The following CRYBG1 variants were observed in gnomAD, a reference collection of about 807,000 sequenced individuals.
CRYBG1 encodes the protein crystallin beta-gamma domain containing 1.
Under a neutral mutation model 189.2 loss-of-function variants are expected in CRYBG1, and 139 were observed. The observed-to-expected ratio is 0.73, with a 90% CI of 0.64 to 0.85. The LOEUF is 0.85. Among genes scored for constraint, CRYBG1 ranks in the 40% least tolerant of loss-of-function variants. The probability of loss-of-function intolerance (pLI) is 0.00; values close to 1 mark genes in which losing one functional copy is unlikely to be tolerated. For missense variants in CRYBG1, 2,611 were observed against 2,675.8 expected, an observed-to-expected ratio of 0.98 and a Z score of 0.53; for synonymous variants, 1,023 against 1,017.1, an observed-to-expected ratio of 1.01 and a Z score of -0.11.
At chr6:106,447,999 C>A (rs1771700032) in intron 1 of CRYBG1, among the ~76,000 whole-genome samples, 1 of 152,200 alleles carries the variant, frequency 6.6e-6, no homozygotes, top group Non-Finnish European at 1.5e-5. Context: ...AGGAGACAAA[C>A]TTGTCCAGTA....
chr6:106,519,324 G>A lies in CRYBG1; in HGVS notation c.2116G>A (p.Ala706Thr), dbSNP rs1773524858. ...CATTCGAGGCCAAAGGAATACTCCT[G>A]CCTCTAGTAAAACGTTTGTTGGGAG... ...TDIRGQRNTP[A>T]SSKTFVGRAK... Residue 706 changes from alanine to threonine, a missense_variant, in exon 4 of 22, where the codon GCC becomes ACC. Around this residue, in one of 3 missense-constraint regions of CRYBG1, gnomAD observed 1,622 missense variants for 1,735.0 expected, o/e 0.93. Coordinates refer to ENST00000633556, the MANE Select transcript of CRYBG1 (RefSeq NM_001371242.2). The A allele has an allele frequency of 7.4e-6, 12 of 1,614,038 alleles. No individual in the cohort carries two copies. Among genetic ancestry groups the A allele is most frequent in the Non-Finnish European group, 1.0e-5 (12 of 1,180,030 alleles).
At chr6:106,478,158 T>G (rs536009910) in intron 2 of CRYBG1, among the ~76,000 whole-genome samples, 70 of 152,360 alleles carry the variant, frequency 4.6e-4, no homozygotes, top group African/African-American at 1.6e-3. Context: ...ATCCCTCGTA[T>G]CCTTCAACCC....
chr6:106,454,617 T>C (rs1771848104), intron 2 of CRYBG1, among the ~76,000 whole-genome samples: 1 of 152,230 alleles, frequency 6.6e-6, no homozygotes, highest in African/African-American at 2.4e-5. Context: ...CAGAATAAAT[T>C]ATATCTATTT....
rs1217861290 is a variant in CRYBG1 at position 106,552,164 on chromosome 6, C to T, written c.5440-20C>T. On this transcript the variant is annotated intron_variant, in intron 14 of 21. Coordinates refer to ENST00000633556, the MANE Select transcript of CRYBG1 (RefSeq NM_001371242.2). ...TTTGTTCTATTCATTTCCTTTTCTCCTTCCTTTAAAAATTTTTAGGATTCT... is the reference window on the plus strand; with the variant it reads ...TTTGTTCTATTCATTTCCTTTTCTCTTTCCTTTAAAAATTTTTAGGATTCT... 1 of 1,580,324 alleles carries T rather than the reference C, an allele frequency of 6.3e-7. No individual in the cohort carries two copies. The highest frequency in any genetic ancestry group is 8.6e-7 in the Non-Finnish European group (1 of 1,160,028).
intron 2 of CRYBG1, among the ~76,000 whole-genome samples, chr6:106,487,660 T>C (rs1772622469): frequency 6.6e-6 from 1 of 152,178 alleles, no homozygotes; most frequent in African/African-American, 2.4e-5. Context: ...TCTGTTTGGT[T>C]CTTTTTTATG....
Position 106,442,091 on chromosome 6 carries a change from T to A in CRYBG1, c.174-9603T>A, listed in dbSNP as rs576132178. 2.6e-5 allele frequency among the ~76,000 whole-genome samples: 4 copies of A among 152,292 alleles called. No homozygotes were observed. The South Asian group carries it at 8.3e-4, about 32-fold the overall frequency. On this transcript the variant is annotated intron_variant, in intron 1 of 21. Transcript: ENST00000633556. ...AGCCTTGAAACCTCTGAATTATAGC[T>A]GTGAGAAAGTTGAGAGTATATGATC...
chr6:106,378,183 C>G (rs1262379405), intron 1 of CRYBG1, among the ~76,000 whole-genome samples: 3 of 152,216 alleles, frequency 2.0e-5, no homozygotes, highest in Non-Finnish European at 4.4e-5. Context: ...TCTTTTCCCT[C>G]TTCCTGTGGT....
chr6:106,385,822 G>T (rs761354292), intron 1 of CRYBG1, among the ~76,000 whole-genome samples: 1 of 152,086 alleles, frequency 6.6e-6, no homozygotes, highest in Admixed American at 6.6e-5. Context: ...CATGACAAAC[G>T]TTCTTAGCAG....
In CRYBG1 at chr6:106,386,712, C is replaced by T. The variant is rs76136521; in HGVS notation, c.173+25631C>T. Among the ~76,000 whole-genome samples, 923 of 152,270 alleles carry T rather than the reference C, an allele frequency of 6.1e-3. 9 individuals carry two copies. The highest frequency in any genetic ancestry group is 0.021 in the African/African-American group (879 of 41,554). On this transcript the variant is annotated intron_variant, in intron 1 of 21. Transcript: ENST00000633556. ...CACTCCTATGAGAATCGAATGCCAC[C>T]GCTAGACATACCATCAAGAGGCAGA...
chr6:106,504,452 A>C (rs1262791730), intron 2 of CRYBG1, among the ~76,000 whole-genome samples: 1 of 152,202 alleles, frequency 6.6e-6, no homozygotes, highest in Non-Finnish European at 1.5e-5. Flanking sequence ...TTGTAGCACA[A>C]ATGTAGTAAC....
At chr6:106,362,711 T>C (rs1771903427) in intron 1 of CRYBG1, among the ~76,000 whole-genome samples, 1 of 152,212 alleles carries the variant, frequency 6.6e-6, no homozygotes, top group Non-Finnish European at 1.5e-5. Context: ...TCAGTTGTAG[T>C]AGAAATATAT....
intron 2 of CRYBG1, among the ~76,000 whole-genome samples, chr6:106,453,543 G>C (rs1035558898): frequency 6.6e-6 from 1 of 152,172 alleles, no homozygotes; most frequent in African/African-American, 2.4e-5. Context: ...CCAGTCATTG[G>C]CCCTAGCCAG....
Position 106,544,779 on chromosome 6 carries a change from T to C in CRYBG1, c.5167-9T>C. On this transcript the variant is annotated splice_polypyrimidine_tract_variant and intron_variant, in intron 12 of 21. Transcript: ENST00000633556. Reference sequence around the variant, plus strand: ...TAGCCTTTGAATTTTGAATTTTTTTTCTCAATAGGATTTTTCAAATGCTCA... The same window carrying C: ...TAGCCTTTGAATTTTGAATTTTTTTCCTCAATAGGATTTTTCAAATGCTCA... 6.2e-7 allele frequency: 1 copy of C among 1,601,512 alleles called. No homozygotes were observed. The highest frequency in any genetic ancestry group is 2.2e-5 in the East Asian group (1 of 44,806).
chr6:106,454,553 G>C (rs1010190764), intron 2 of CRYBG1, among the ~76,000 whole-genome samples: 1 of 152,326 alleles, frequency 6.6e-6, no homozygotes, highest in South Asian at 2.1e-4. Context: ...GCAAGATTCA[G>C]CAGGTTTGCG....
intron 2 of CRYBG1, among the ~76,000 whole-genome samples, chr6:106,480,831 G>A (rs1342889454): frequency 5.3e-5 from 8 of 150,674 alleles, no homozygotes; most frequent in East Asian, 3.9e-4. Flanking sequence ...ACTTAGCCAG[G>A]AAGGGTGGTG....
chr6:106,451,105 G>A, intron 1 of CRYBG1, among the ~76,000 whole-genome samples: 1 of 152,160 alleles, frequency 6.6e-6, no homozygotes, highest in East Asian at 1.9e-4. Context: ...TGGGGGAGGT[G>A]GGAGAACAGT....
At chr6:106,379,787 G>A (rs1237782562) in intron 1 of CRYBG1, among the ~76,000 whole-genome samples, 1 of 151,868 alleles carries the variant, frequency 6.6e-6, no homozygotes, top group Non-Finnish European at 1.5e-5. Context: ...AGGATTGCTT[G>A]AGGCCTAGTC....
intron 1 of CRYBG1, among the ~76,000 whole-genome samples, chr6:106,386,290 T>C (rs1770388267): frequency 6.6e-6 from 1 of 152,222 alleles, no homozygotes; most frequent in Non-Finnish European, 1.5e-5. Flanking sequence ...CATTTGTTTT[T>C]TACTAATTTT....
chr6:106,519,704 C>A lies in CRYBG1; in HGVS notation c.2496C>A (p.Thr832=), dbSNP rs763296255. Residue 832 remains threonine, a synonymous_variant, in exon 4 of 22, where the codon ACC becomes ACA. Transcript: ENST00000633556. ...DSKSLVLENV[T]DTAQDIPTTV... is the part of the protein sequence containing the mutation. ...AAAGCCTTGTACTTGAAAATGTAAC[C>A]GATACAGCACAAGACATCCCCACCA... 6.2e-7 allele frequency: 1 copy of A among 1,614,138 alleles called. No homozygotes were observed. The highest frequency in any genetic ancestry group is 1.1e-5 in the South Asian group (1 of 91,076).
Sources: allele counts gnomAD v4.1 joint callset (sites outside exome capture counted in the v4.1 genomes callset), GRCh38; gene constraint gnomAD v4.1.1; regional missense constraint gnomAD v4.1.1; transcripts MANE v1.5; gene names NCBI Gene and HGNC (gene_info 2026-07-23, HGNC 2026-07-21).